Variants in BLK observed in about 807,000 individuals in gnomAD.
The protein encoded by BLK is BLK proto-oncogene, Src family tyrosine kinase, also known as tyrosine-protein kinase Blk.
Under a neutral mutation model 61.8 loss-of-function variants are expected in BLK, and 64 were observed. That is an observed-to-expected ratio of 1.03 (90% CI 0.85 to 1.27). BLK has a LOEUF of 1.27. Among genes scored for constraint, BLK ranks in the 50% most tolerant of loss-of-function variants. BLK has a pLI of 0.00. For synonymous variants in BLK, 351 were observed against 272.0 expected (o/e 1.29, Z -2.86); for missense variants, 853 against 660.5 (o/e 1.29, Z -3.19).
intron 6 of BLK, among the ~76,000 whole-genome samples, chr8:11,552,101 TG>T (rs1286348756): frequency 6.6e-6 from 1 of 152,114 alleles, no homozygotes; most frequent in African/African-American, 2.4e-5. Flanking sequence ...TGGTTCCCTG[TG>T]GTTGGGGCGA....
At chr8:11,555,105 C>T (rs896186095) in intron 7 of BLK, among the ~76,000 whole-genome samples, 1 of 152,168 alleles carries the variant, frequency 6.6e-6, no homozygotes, top group Non-Finnish European at 1.5e-5. Flanking sequence ...GAGTAGCAAG[C>T]ATTTTCAGTC....
intron 6 of BLK, chr8:11,553,369 C>T (rs1272504664): frequency 2.2e-6 from 1 of 450,356 alleles, no homozygotes; most frequent in African/African-American, 2.0e-5. Flanking sequence ...CCAGACATAC[C>T]ACAGAGGCAG....
Position 11,549,061 on chromosome 8 carries a change from G to A in BLK, c.307G>A (p.Gly103Arg), listed in dbSNP as rs747055698. The part of the protein sequence containing the change: ...DWWLARSLVT[G>R]REGYVPSNFV... ...GTGGCTGGCCAGGTCACTCGTCACA[G>A]GAAGAGAAGGCTATGTGCCCAGTAA... The change falls in exon 5 of 13, where the codon GGA (glycine) becomes AGA (arginine). Residue 103 changes from glycine (G) to arginine (R), a missense_variant. Transcript: ENST00000259089. The A allele has an allele frequency of 3.1e-6, 5 of 1,611,710 alleles. No homozygotes were observed. In the Admixed American group the frequency reaches 8.4e-5, roughly 27 times the overall value.
chr8:11,503,979 G>C (rs1308662723), intron 1 of BLK, among the ~76,000 whole-genome samples: 1 of 152,152 alleles, frequency 6.6e-6, no homozygotes, highest in African/African-American at 2.4e-5. Flanking sequence ...ATCTACCCTG[G>C]GGCTAAAGTC....
chr8:11,530,311 C>T (rs1160851694), intron 1 of BLK, among the ~76,000 whole-genome samples: 1 of 152,136 alleles, frequency 6.6e-6, no homozygotes, highest in Non-Finnish European at 1.5e-5. Flanking sequence ...CTTGGAGTTC[C>T]TGGGCCTGTC....
At chr8:11,508,268 C>G (rs904717080) in intron 1 of BLK, among the ~76,000 whole-genome samples, 10 of 152,224 alleles carry the variant, frequency 6.6e-5, no homozygotes, top group African/African-American at 2.2e-4. Context: ...GGAAATCACC[C>G]GTGGCTTGCA....
At chr8:11,525,958 A>G (rs1799637364) in intron 1 of BLK, among the ~76,000 whole-genome samples, 1 of 152,222 alleles carries the variant, frequency 6.6e-6, no homozygotes, top group East Asian at 1.9e-4. Flanking sequence ...TTTTCATTAG[A>G]GACAGGGTTT....
At position 11,557,994 on chromosome 8, in the gene BLK, G is replaced by C; in HGVS notation, c.985G>C (p.Gly329Arg). 1 of 1,614,104 alleles carries C rather than the reference G, an allele frequency of 6.2e-7. No individual in the cohort carries two copies. Reference sequence around the variant, plus strand: ...GCTGGATTTCCTGAAGACAGATGAAGGGAGCAGATTGTCACTCCCAAGGCT... The same window carrying C: ...GCTGGATTTCCTGAAGACAGATGAACGGAGCAGATTGTCACTCCCAAGGCT... The part of the protein sequence containing the change: ...CLLDFLKTDE[G>R]SRLSLPRLID... Residue 329 changes from glycine to arginine, a missense_variant, in exon 10 of 13, where the codon GGG becomes CGG. Coordinates refer to ENST00000259089, the MANE Select transcript of BLK (RefSeq NM_001715.3).
chr8:11,552,064 GGA>G (rs1327969873), intron 6 of BLK, among the ~76,000 whole-genome samples: 3 of 152,204 alleles, frequency 2.0e-5, no homozygotes, highest in Middle Eastern at 3.2e-3. Flanking sequence ...AGGAGGAAAG[GGA>G]GAGAGAGTGT....
At chr8:11,495,251 G>A (rs997768631) in intron 1 of BLK, among the ~76,000 whole-genome samples, 6 of 152,044 alleles carry the variant, frequency 3.9e-5, no homozygotes, top group African/African-American at 1.4e-4. Flanking sequence ...TGGTAATGCG[G>A]GTGGATGAAG....
chr8:11,545,856 A>AG lies in BLK; in HGVS notation c.124-193dup, dbSNP rs1474090092. The AG allele has an allele frequency of 1.5e-5, 10 of 675,074 alleles. No homozygotes were observed. The Admixed American group carries it at 2.1e-4, about 14-fold the overall frequency. The allele number at this position is 675,074 out of a possible 1,614,324, so 41.8% of individuals were successfully genotyped here. On this transcript the variant is annotated intron_variant, in intron 2 of 12. Transcript: ENST00000259089. ...AGCGCGGTCAGGGCAAAGGCAGCAG[A>AG]GGGCGGGGGTCTGTCTGAGGGTAGT...
At chr8:11,499,379 G>T (rs1251048359) in intron 1 of BLK, among the ~76,000 whole-genome samples, 1 of 152,234 alleles carries the variant, frequency 6.6e-6, no homozygotes, top group Non-Finnish European at 1.5e-5. Flanking sequence ...TCCCTGTAGT[G>T]AAGCAATACG....
chr8:11,531,405 G>A (rs150993519), intron 1 of BLK, among the ~76,000 whole-genome samples: 214 of 152,250 alleles, frequency 1.4e-3, no homozygotes, highest in African/African-American at 5.0e-3. Context: ...ACGTTTGTAT[G>A]CTTCTGACTC....
rs147466815 is a variant in BLK, at chr8:11,537,450, C to T, written c.-1-5774C>T. Among the ~76,000 whole-genome samples, 520 of 152,272 alleles carry T rather than the reference C, an allele frequency of 3.4e-3. 1 individual carries two copies. Among genetic ancestry groups the T allele is most frequent in the Middle Eastern group, 0.017 (5 of 294 alleles). ...CAAATCAGAAAGGCAAAGCCTCCAG[C>T]ACATAACATGGCAAGGCTTCCAGAT... On this transcript the variant is annotated intron_variant, in intron 1 of 12. Transcript: ENST00000259089.
intron 1 of BLK, among the ~76,000 whole-genome samples, chr8:11,521,376 G>A (rs762105389): frequency 2.0e-5 from 3 of 152,142 alleles, no homozygotes; most frequent in African/African-American, 4.8e-5. Flanking sequence ...CTGCAGCCTT[G>A]ACTTCCCAGG....
At position 11,562,887 on chromosome 8, in the gene BLK, T is replaced by C. The variant is rs544461157; in HGVS notation, c.1181-92T>C. The C allele has an allele frequency of 3.2e-6, 5 of 1,578,704 alleles. No individual in the cohort carries two copies. The African/African-American group carries it at 4.0e-5, about 13-fold the overall frequency. On this transcript the variant is annotated intron_variant, in intron 11 of 12. Transcript: ENST00000259089. Reference sequence around the variant, plus strand: ...GTGAGGCCCCGCAGTGGGGGCTTGATGGAAGGACAGCAGGAGCAGGGGTAG... The same window carrying C: ...GTGAGGCCCCGCAGTGGGGGCTTGACGGAAGGACAGCAGGAGCAGGGGTAG...
intron 3 of BLK, among the ~76,000 whole-genome samples, 161 bp from the exon 4 acceptor site, chr8:11,547,871 G>A (rs931389438): frequency 2.6e-5 from 4 of 152,094 alleles, no homozygotes; most frequent in African/African-American, 9.7e-5. Flanking sequence ...CCCATCCCTG[G>A]TGGGGTCACA....
chr8:11,505,345 G>A (rs1051860701), intron 1 of BLK, among the ~76,000 whole-genome samples: 2 of 152,002 alleles, frequency 1.3e-5, no homozygotes, highest in African/African-American at 4.8e-5. Context: ...TTTTCTACTT[G>A]GAATGGGCCT....
In BLK at chr8:11,502,414, C is replaced by A. The variant is rs572790364; in HGVS notation, c.-2+7823C>A. The stretch of plus-strand genomic sequence containing the variant: ...CACCTCCTGGGTTTAAGGGATTCTC[C>A]TGCCTCATCCTCCCAATTAGCTGGG... On this transcript the variant is annotated intron_variant, in intron 1 of 12. Coordinates refer to ENST00000259089, the MANE Select transcript of BLK (RefSeq NM_001715.3). 1.7e-4 allele frequency among the ~76,000 whole-genome samples: 26 copies of A among 152,210 alleles called. 1 individual carries two copies. Among genetic ancestry groups the A allele is most frequent in the African/African-American group, 5.5e-4 (23 of 41,530 alleles).
Sources: allele counts gnomAD v4.1 joint callset (sites outside exome capture counted in the v4.1 genomes callset), GRCh38; gene constraint gnomAD v4.1.1; transcripts MANE v1.5; gene names NCBI Gene and HGNC (gene_info 2026-07-23, HGNC 2026-07-21).